Variants in UTS2B observed in about 807,000 individuals in gnomAD.
UTS2B encodes urotensin-2B.
UTS2B carries 21 observed loss-of-function variants against 19.2 expected under a neutral mutation model. The observed-to-expected ratio is 1.09, with a 90% CI of 0.78 to 1.58. UTS2B has a LOEUF of 1.58. Ranked by LOEUF, UTS2B falls within the 40% of genes most tolerant of loss-of-function variation. The pLI is 0.00. For missense variants in UTS2B, 138 were observed against 130.3 expected (o/e 1.06, Z -0.29); for synonymous variants, 57 against 50.2 (o/e 1.14, Z -0.58).
intron 8 of UTS2B, chr3:191,273,617 G>A (rs893072231): frequency 1.5e-5 from 7 of 456,280 alleles, no homozygotes; most frequent in East Asian, 6.9e-5. Context: ...CTCGATTCCC[G>A]ACTTTATTAC....
At chr3:191,327,218 G>A (rs1347254274) in intron 2 of UTS2B, among the ~76,000 whole-genome samples, 3 of 152,164 alleles carry the variant, frequency 2.0e-5, no homozygotes, top group South Asian at 2.1e-4. Context: ...AGGGGAGGCC[G>A]GGCGTGGTGG....
chr3:191,299,931 T>G (rs1372999636), intron 4 of UTS2B, among the ~76,000 whole-genome samples: 1 of 152,164 alleles, frequency 6.6e-6, no homozygotes, highest in Non-Finnish European at 1.5e-5. Context: ...AGACATGGAG[T>G]CAAAGGAGAT....
chr3:191,307,078 G>A (rs944692621), intron 3 of UTS2B, among the ~76,000 whole-genome samples: 5 of 152,184 alleles, frequency 3.3e-5, no homozygotes, highest in Non-Finnish European at 5.9e-5. Context: ...ACAAAAGAAA[G>A]GTTCATAGGC....
At chr3:191,270,844 A>C (rs1716072390) in intron 8 of UTS2B, among the ~76,000 whole-genome samples, 1 of 152,164 alleles carries the variant, frequency 6.6e-6, no homozygotes, top group African/African-American at 2.4e-5. Context: ...CTGCTGTTAA[A>C]GCTTAAAGCT....
rs149590174 is a variant in UTS2B at position 191,301,779 on chromosome 3, A to G, written c.-125+2713T>C. ...GCTGGGATTACAGGCGTGAGCCACC[A>G]CGCCCGGCCAATTTTTGGTAATATT... On this transcript the variant is annotated intron_variant, in intron 4 of 8. Transcript: ENST00000340524. 4.4e-3 allele frequency among the ~76,000 whole-genome samples: 666 copies of G among 152,160 alleles called. 2 individuals are homozygous for G. Among genetic ancestry groups the G allele is most frequent in the Non-Finnish European group, 6.9e-3 (469 of 67,990 alleles).
intron 4 of UTS2B, among the ~76,000 whole-genome samples, chr3:191,287,267 C>T (rs554325733): frequency 2.4e-4 from 37 of 152,188 alleles, no homozygotes; most frequent in African/African-American, 7.5e-4. Flanking sequence ...GCCAGGATTA[C>T]TCTGATACCA....
chr3:191,341,927 A>G, the UTS2B span, among the ~76,000 whole-genome samples: 1 of 152,184 alleles, frequency 6.6e-6, no homozygotes, highest in Non-Finnish European at 1.5e-5. Context: ...TATTATTTTT[A>G]TGTAAGCTTA....
Position 191,275,243 on chromosome 3 carries a change from A to C in UTS2B, c.334+9T>G, listed in dbSNP as rs1360452039. 1.3e-6 allele frequency: 2 copies of C among 1,587,634 alleles called. No homozygotes were observed. Among genetic ancestry groups the C allele is most frequent in the Admixed American group, 1.8e-5 (1 of 57,068 alleles). Reference sequence around the variant, plus strand: ...AAGTCAATCTTAAAACCTTGAAATGAAAGCTTACCTCGTTTGCTAGGATGA... The same window carrying C: ...AAGTCAATCTTAAAACCTTGAAATGCAAGCTTACCTCGTTTGCTAGGATGA... On this transcript the variant is annotated intron_variant, in intron 8 of 8. Transcript: ENST00000340524.
At chr3:191,289,583 T>C (rs921508585) in intron 4 of UTS2B, among the ~76,000 whole-genome samples, 9 of 152,084 alleles carry the variant, frequency 5.9e-5, no homozygotes, top group African/African-American at 1.9e-4. Flanking sequence ...ATATGCACAA[T>C]TGAAATGTCT....
intron 8 of UTS2B, 69 bp downstream of exon 8, chr3:191,275,183 T>A: frequency 8.3e-7 from 1 of 1,210,546 alleles, no homozygotes; most frequent in Middle Eastern, 2.0e-4. Context: ...TGAATCTTCT[T>A]CCTCTCAGAA....
intron 4 of UTS2B, among the ~76,000 whole-genome samples, chr3:191,291,614 G>A (rs939012098): frequency 3.3e-5 from 5 of 151,844 alleles, no homozygotes; most frequent in Non-Finnish European, 7.4e-5. Context: ...CACCACACCT[G>A]GCCAATTATT....
the UTS2B span, among the ~76,000 whole-genome samples, chr3:191,341,007 G>A: frequency 6.7e-6 from 1 of 150,116 alleles, no homozygotes; most frequent in Non-Finnish European, 1.5e-5. Flanking sequence ...TTTTTTTTTG[G>A]TAGAGTGAGG....
the UTS2B span, among the ~76,000 whole-genome samples, chr3:191,343,097 A>T: frequency 6.6e-6 from 1 of 152,058 alleles, no homozygotes. Flanking sequence ...GTGTATACTG[A>T]GGGACTTTTC....
intron 4 of UTS2B, chr3:191,294,475 A>C (rs192532833): frequency 3.9e-5 from 6 of 152,050 alleles, no homozygotes; most frequent in Admixed American, 3.9e-4. Context: ...ACTGTCAAGA[A>C]AATGATTTGT....
intron 2 of UTS2B, among the ~76,000 whole-genome samples, chr3:191,327,315 C>A (rs1717770114): frequency 6.6e-6 from 1 of 152,114 alleles, no homozygotes; most frequent in Non-Finnish European, 1.5e-5. Flanking sequence ...GGCCAACATG[C>A]CAAAACCCTG....
intron 3 of UTS2B, among the ~76,000 whole-genome samples, chr3:191,313,229 A>AAGTG (rs999721897): frequency 6.6e-6 from 1 of 152,128 alleles, no homozygotes; most frequent in African/African-American, 2.4e-5. Flanking sequence ...TCCTGACTAC[A>AAGTG]AGTGATCCAC....
chr3:191,271,333 A>T (rs1284184258), intron 8 of UTS2B, among the ~76,000 whole-genome samples: 1 of 151,902 alleles, frequency 6.6e-6, no homozygotes, highest in South Asian at 2.1e-4. Context: ...ACGTAGTTAC[A>T]TTTCTTCCCT....
Position 191,276,842 on chromosome 3 carries a change from G to C in UTS2B, c.205C>G (p.Leu69Val). 6.2e-7 allele frequency: 1 copy of C among 1,610,962 alleles called. No homozygotes were observed. The highest frequency in any genetic ancestry group is 8.5e-7 in the Non-Finnish European group (1 of 1,178,784). Residue 69 changes from leucine (L) to valine (V), a missense_variant and splice_region_variant, in exon 7 of 9, where the codon CTA (leucine) becomes GTA (valine). Transcript: ENST00000340524. The part of the protein sequence containing the change: ...FDFQRPFNTD[L>V]ALPNKLEELN... The stretch of plus-strand genomic sequence containing the variant: ...TCTTCCAGTTTGTTAGGTAAGGCTA[G>C]GTCTGCAAGACACATTTGTCACATG...
chr3:191,312,421 G>A (rs1717329316), intron 3 of UTS2B, among the ~76,000 whole-genome samples: 1 of 152,130 alleles, frequency 6.6e-6, no homozygotes, highest in Admixed American at 6.5e-5. Context: ...AAGTGGACAG[G>A]ACTGATTCTG....
Sources: allele counts gnomAD v4.1 joint callset (sites outside exome capture counted in the v4.1 genomes callset), GRCh38; gene constraint gnomAD v4.1.1; transcripts MANE v1.5; gene names NCBI Gene and HGNC (gene_info 2026-07-23, HGNC 2026-07-21).